Variants in PTH2R observed in about 807,000 individuals in gnomAD.
PTH2R encodes the protein parathyroid hormone 2 receptor.
PTH2R carries 59 observed loss-of-function variants against 60.3 expected under a neutral mutation model. That is an observed-to-expected ratio of 0.98 (90% confidence interval 0.79 to 1.22). The LOEUF (loss-of-function observed/expected upper bound fraction) is 1.22, where lower values mean the gene tolerates loss of function less well. Among genes scored for constraint, PTH2R ranks in the 50% most tolerant of loss-of-function variants. The probability of loss-of-function intolerance (pLI) is 0.00; values close to 1 mark genes in which losing one functional copy is unlikely to be tolerated. For synonymous variants in PTH2R, 256 were observed against 243.8 expected (o/e 1.05, Z -0.47); for missense variants, 749 against 682.6 (o/e 1.10, Z -1.08).
At chr2:208,405,984 T>C (rs1307161188), upstream of PTH2R, among the ~76,000 whole-genome samples, 3 of 152,206 alleles carry the variant, frequency 2.0e-5, no homozygotes, top group Admixed American at 2.0e-4. Flanking sequence ...CTCTGATGTT[T>C]ATAAGCCACC....
intron 7 of PTH2R, among the ~76,000 whole-genome samples, chr2:208,448,674 A>G (rs1574882741): frequency 6.7e-6 from 1 of 149,470 alleles, no homozygotes; most frequent in Non-Finnish European, 1.5e-5. Flanking sequence ...GTAAATGCAC[A>G]TACTAGATAA....
At chr2:208,412,052 C>T (rs185241499) in intron 1 of PTH2R, among the ~76,000 whole-genome samples, 5 of 152,204 alleles carry the variant, frequency 3.3e-5, no homozygotes, top group Admixed American at 1.3e-4. Flanking sequence ...GAGAATTTTG[C>T]GAGGCCATTT....
At chr2:208,365,569 G>C (rs1700562221) in intron 1 of PTH2R, among the ~76,000 whole-genome samples, 1 of 151,878 alleles carries the variant, frequency 6.6e-6, no homozygotes, top group Non-Finnish European at 1.5e-5. Context: ...GTGTGCTGTT[G>C]AATTTATTTT....
chr2:208,379,592 G>C (rs1176154195), intron 1 of PTH2R, among the ~76,000 whole-genome samples: 1 of 152,032 alleles, frequency 6.6e-6, no homozygotes, highest in Non-Finnish European at 1.5e-5. Context: ...TGGCACGGTG[G>C]CTCATTCTTG....
intron 1 of PTH2R, among the ~76,000 whole-genome samples, chr2:208,422,754 C>T (rs1701781907): frequency 6.6e-6 from 1 of 151,844 alleles, no homozygotes; most frequent in Non-Finnish European, 1.5e-5. Flanking sequence ...TTACCCAGTT[C>T]CCCCCTTATC....
At chr2:208,427,027 G>A (rs960703100) in intron 1 of PTH2R, among the ~76,000 whole-genome samples, 3 of 152,144 alleles carry the variant, frequency 2.0e-5, no homozygotes, top group South Asian at 4.1e-4. Context: ...AAAAGGCTGC[G>A]TGTACACAGG....
At chr2:208,443,295 TC>T in intron 5 of PTH2R, 52 bp from the exon 6 acceptor site, 1 of 1,448,536 alleles carries the variant, frequency 6.9e-7, no homozygotes, top group Non-Finnish European at 9.2e-7. Flanking sequence ...ACTGGGTGTT[TC>T]CCCCATTTTT....
chr2:208,419,082 T>C (rs1383016310), intron 1 of PTH2R, among the ~76,000 whole-genome samples: 1 of 152,252 alleles, frequency 6.6e-6, no homozygotes, highest in Non-Finnish European at 1.5e-5. Context: ...TCTAGATTCC[T>C]GAGCAATCGC....
intron 1 of PTH2R, among the ~76,000 whole-genome samples, chr2:208,379,743 C>T (rs1700876453): frequency 6.6e-6 from 1 of 151,722 alleles, no homozygotes; most frequent in Admixed American, 6.6e-5. Flanking sequence ...GCCTGTAATC[C>T]CAGCTACTTG....
At position 208,493,566 on chromosome 2, in the gene PTH2R, G is replaced by A. The variant is rs1703461730; in HGVS notation, c.1560G>A (p.Gln520=). 1 of 1,613,538 alleles carries A rather than the reference G, an allele frequency of 6.2e-7. No individual in the cohort carries two copies. The highest frequency in any genetic ancestry group is 8.5e-7 in the Non-Finnish European group (1 of 1,179,640). Residue 520 remains glutamine (Q), a synonymous_variant, in exon 13 of 13, where the codon CAG becomes CAA. Transcript: ENST00000272847. The stretch of plus-strand genomic sequence containing the variant: ...AGACCAAGGAAGATAGTGGGAGGCA[G>A]GGAGATGATATTCTAATGGAGAAGC... ...HEETKEDSGR[Q]GDDILMEKPS...
chr2:208,404,337 C>T (rs988751252), upstream of PTH2R, among the ~76,000 whole-genome samples: 33 of 152,162 alleles, frequency 2.2e-4, no homozygotes, highest in Admixed American at 1.9e-3. Context: ...TTTATCTTGA[C>T]TGAGGTGGGC....
intron 1 of PTH2R, among the ~76,000 whole-genome samples, chr2:208,366,155 G>A (rs1287811351): frequency 2.0e-5 from 3 of 150,586 alleles, no homozygotes; most frequent in Non-Finnish European, 3.0e-5. Flanking sequence ...GAATTCTTCA[G>A]TGAAGTCTTC....
chr2:208,368,151 C>T (rs1437381170), intron 1 of PTH2R, among the ~76,000 whole-genome samples: 1 of 152,228 alleles, frequency 6.6e-6, no homozygotes, highest in East Asian at 1.9e-4. Flanking sequence ...ACCTGGTACT[C>T]TGAGGCACCA....
At chr2:208,398,131 G>A (rs1278248364) in intron 1 of PTH2R, among the ~76,000 whole-genome samples, 1 of 152,130 alleles carries the variant, frequency 6.6e-6, no homozygotes, top group Non-Finnish European at 1.5e-5. Flanking sequence ...AGCCACAGAA[G>A]TCATAGAAAA....
At chr2:208,446,617 G>C (rs547249807) in intron 7 of PTH2R, among the ~76,000 whole-genome samples, 2 of 152,126 alleles carry the variant, frequency 1.3e-5, no homozygotes, top group Non-Finnish European at 2.9e-5. Flanking sequence ...TCTGTCTTCT[G>C]ACTTTCTCTT....
At chr2:208,419,277 C>A (rs534264428) in intron 1 of PTH2R, among the ~76,000 whole-genome samples, 4 of 152,268 alleles carry the variant, frequency 2.6e-5, no homozygotes, top group South Asian at 4.1e-4. Context: ...GCCAGTGATG[C>A]TGAGCATTTT....
chr2:208,428,197 A>G lies in PTH2R; in HGVS notation c.76-4A>G, dbSNP rs774886297. 1.2e-6 allele frequency: 2 copies of G among 1,603,756 alleles called. No individual in the cohort carries two copies. The highest frequency in any genetic ancestry group is 1.7e-6 in the Non-Finnish European group (2 of 1,171,826). On this transcript the variant is annotated splice_region_variant and splice_polypyrimidine_tract_variant and intron_variant, in intron 1 of 12. Transcript: ENST00000272847. ...AAATGTTTGTATTTTGTTCACTTCT[A>G]CAGCTGGATTCTGATGGCACCATTA...
In PTH2R at chr2:208,428,273, CT is replaced by C; in HGVS notation, c.149del (p.Leu50ProfsTer66). 6.2e-7 allele frequency: 1 copy of C among 1,613,054 alleles called. No individual in the cohort carries two copies. The highest frequency in any genetic ancestry group is 8.5e-7 in the Non-Finnish European group (1 of 1,179,576). On this transcript the variant is annotated frameshift_variant, in exon 2 of 13. Transcript: ENST00000272847. LOFTEE classifies it high-confidence loss of function. ...LVLKAKVQCE[L>X]NITAQLQEGE... is the part of the protein sequence containing the mutation. ...GCTGAAAGCGAAAGTACAATGTGAACTCAACATCACAGCTCAACTCCAGGAG... is the reference window on the plus strand; with the variant it reads ...GCTGAAAGCGAAAGTACAATGTGAACCAACATCACAGCTCAACTCCAGGAG...
intron 1 of PTH2R, among the ~76,000 whole-genome samples, chr2:208,410,619 C>T (rs1701520524): frequency 6.6e-6 from 1 of 152,074 alleles, no homozygotes; most frequent in Non-Finnish European, 1.5e-5. Flanking sequence ...TAAATGTGCA[C>T]AAATCAGCAT....
Sources: gnomAD v4.1 joint callset for allele counts (sites outside exome capture counted in the v4.1 genomes callset) on GRCh38, gnomAD v4.1.1 for gene constraint, MANE v1.5 for transcripts, NCBI Gene and HGNC (gene_info 2026-07-23, HGNC 2026-07-21) for gene names.